ACKR2: variants seen among roughly 807,000 people sequenced by gnomAD.
ACKR2 encodes atypical chemokine receptor 2.
For synonymous variants in ACKR2, 207 were observed against 192.2 expected (o/e 1.08, Z -0.64); for missense variants, 457 against 477.3 (o/e 0.96, Z 0.40).
At chr3:42,837,326 C>A (rs1198956491) in intron 2 of ACKR2, among the ~76,000 whole-genome samples, 2 of 152,098 alleles carry the variant, frequency 1.3e-5, no homozygotes, top group East Asian at 3.9e-4. Flanking sequence ...AAGTGATCCT[C>A]CCACCTCAAC....
rs71072742 is a variant in ACKR2, at chr3:42,828,092, A to ATTTT, written c.-38+8391_-38+8394dup. On this transcript the variant is annotated intron_variant, in intron 2 of 2. Coordinates refer to ENST00000422265, the MANE Select transcript of ACKR2 (RefSeq NM_001296.5). The stretch of plus-strand genomic sequence containing the variant: ...GCTTGCATTATATATATATATATAT[A>ATTTT]TTTTTTTTTTTTTCTTTTCTTTTCT... 8.5e-4 allele frequency among the ~76,000 whole-genome samples: 103 copies of ATTTT among 121,892 alleles called. 1 individual carries two copies. The highest frequency in any genetic ancestry group is 2.6e-3 in the African/African-American group (80 of 30,984). 80.0% of individuals were successfully genotyped at this position (121,892 alleles called of 152,430 possible).
intron 2 of ACKR2, among the ~76,000 whole-genome samples, chr3:42,837,592 C>A (rs1700997840): frequency 6.6e-6 from 1 of 152,114 alleles, no homozygotes; most frequent in Admixed American, 6.6e-5. Flanking sequence ...TGCAGATCAC[C>A]TTTTCTCTGT....
At chr3:42,837,679 C>T (rs2125611955) in intron 2 of ACKR2, among the ~76,000 whole-genome samples, 1 of 152,260 alleles carries the variant, frequency 6.6e-6, no homozygotes, top group Middle Eastern at 3.4e-3. Flanking sequence ...ATGCTGATCA[C>T]CTCCGGAAAC....
At chr3:42,863,585 C>A (rs2088404672) in intron 2 of ACKR2, among the ~76,000 whole-genome samples, 1 of 152,152 alleles carries the variant, frequency 6.6e-6, no homozygotes, top group Non-Finnish European at 1.5e-5. Flanking sequence ...GCACTGTTCA[C>A]AATAGCAAAG....
chr3:42,832,288 A>C (rs972574291), intron 2 of ACKR2, among the ~76,000 whole-genome samples: 7 of 152,172 alleles, frequency 4.6e-5, no homozygotes, highest in African/African-American at 1.7e-4. Context: ...CAGGAATTTG[A>C]GACCAGCTAG....
intron 2 of ACKR2, among the ~76,000 whole-genome samples, chr3:42,830,398 G>A (rs1015094086): frequency 6.6e-6 from 1 of 152,186 alleles, no homozygotes; most frequent in African/African-American, 2.4e-5. Context: ...TTACAGGCAT[G>A]AGCCACCACG....
At chr3:42,818,936 C>A (rs1352108772) in intron 1 of ACKR2, among the ~76,000 whole-genome samples, 2 of 151,904 alleles carry the variant, frequency 1.3e-5, no homozygotes, top group African/African-American at 4.8e-5. Context: ...ATCTTGGATT[C>A]TTTGCAGCTC....
intron 2 of ACKR2, among the ~76,000 whole-genome samples, chr3:42,858,247 G>C (rs952226878): frequency 5.3e-5 from 8 of 152,194 alleles, no homozygotes; most frequent in Non-Finnish European, 1.0e-4. Flanking sequence ...TCCCAGCAGG[G>C]GTTGACAGAT....
In ACKR2 at chr3:42,857,450, G is replaced by A. The variant is rs545477916; in HGVS notation, c.-37-7016G>A. ...CTGGGCAAAGCAATAATTTAGGCTC[G>A]CATTTATTGAATGTCTGCTGTGTTC... is the stretch of plus-strand genomic sequence containing the variant. On this transcript the variant is annotated intron_variant, in intron 2 of 2. Coordinates refer to ENST00000422265, the MANE Select transcript of ACKR2 (RefSeq NM_001296.5). Among the ~76,000 whole-genome samples, 20 of 152,232 alleles carry A rather than the reference G, an allele frequency of 1.3e-4. No homozygotes were observed. The East Asian group carries it at 2.9e-3, about 22-fold the overall frequency.
chr3:42,843,229 C>A (rs1334335359), intron 2 of ACKR2, among the ~76,000 whole-genome samples: 2 of 151,502 alleles, frequency 1.3e-5, no homozygotes, highest in African/African-American at 4.9e-5. Context: ...CACCACCATG[C>A]CCAGCTAATT....
intron 2 of ACKR2, among the ~76,000 whole-genome samples, chr3:42,832,060 A>G (rs1700936664): frequency 6.6e-6 from 1 of 152,232 alleles, no homozygotes; most frequent in Non-Finnish European, 1.5e-5. Flanking sequence ...ATGAAACACA[A>G]AACTTTGGAG....
rs561098989 is a variant in ACKR2 at position 42,823,491 on chromosome 3, C to G, written c.-38+3780C>G. Among the ~76,000 whole-genome samples the G allele has an allele frequency of 7.6e-4, 116 of 152,334 alleles. 1 individual carries two copies. Among genetic ancestry groups the G allele is most frequent in the African/African-American group, 2.7e-3 (113 of 41,570 alleles). Reference sequence around the variant, plus strand: ...GCCTGTCAGCCTTCGTGTCTCCAGTCATTCTCTTCCTAGACAGACTTGTCT... The same window carrying G: ...GCCTGTCAGCCTTCGTGTCTCCAGTGATTCTCTTCCTAGACAGACTTGTCT... On this transcript the variant is annotated intron_variant, in intron 2 of 2. Coordinates refer to ENST00000422265, the MANE Select transcript of ACKR2 (RefSeq NM_001296.5).
At chr3:42,828,092 A>ATATATATATATTTTTTT (rs1193533555) in intron 2 of ACKR2, among the ~76,000 whole-genome samples, 3 of 121,900 alleles carry the variant, frequency 2.5e-5, no homozygotes, top group African/African-American at 9.7e-5. Context: ...ATATATATAT[A>ATATATATATATTTTTTT]TTTTTTTTTT....
At chr3:42,848,443 CT>C (rs1701120799) in intron 2 of ACKR2, among the ~76,000 whole-genome samples, 1 of 152,056 alleles carries the variant, frequency 6.6e-6, no homozygotes, top group African/African-American at 2.4e-5. Flanking sequence ...GTCTCGAACT[CT>C]GAGACTCAAG....
intron 2 of ACKR2, among the ~76,000 whole-genome samples, chr3:42,854,696 T>C (rs560248604): frequency 6.6e-6 from 1 of 152,158 alleles, no homozygotes; most frequent in Non-Finnish European, 1.5e-5. Flanking sequence ...GTTCAACTCA[T>C]AGAAGGAGCC....
chr3:42,831,323 A>G (rs1319498982), intron 2 of ACKR2, among the ~76,000 whole-genome samples: 1 of 152,240 alleles, frequency 6.6e-6, no homozygotes, highest in Admixed American at 6.5e-5. Context: ...CCACCTTTAA[A>G]GGAGGTGTAC....
At chr3:42,821,706 T>G (rs1228694425) in intron 2 of ACKR2, among the ~76,000 whole-genome samples, 2 of 147,562 alleles carry the variant, frequency 1.4e-5, no homozygotes, top group Non-Finnish European at 3.0e-5. Context: ...TATGTTTTTG[T>G]TTTTTTTTTA....
intron 2 of ACKR2, among the ~76,000 whole-genome samples, chr3:42,847,762 G>C (rs755290494): frequency 6.6e-6 from 1 of 151,408 alleles, no homozygotes; most frequent in Admixed American, 6.6e-5. Context: ...AGGGGTGGGG[G>C]TGGGGGATCT....
intron 2 of ACKR2, among the ~76,000 whole-genome samples, chr3:42,858,413 A>G (rs1287542820): frequency 6.6e-6 from 1 of 152,210 alleles, no homozygotes; most frequent in Admixed American, 6.5e-5. Context: ...AAACTCCAGC[A>G]GACCTGCAGC....
Sources: allele counts gnomAD v4.1 joint callset (sites outside exome capture counted in the v4.1 genomes callset), GRCh38; gene constraint gnomAD v4.1.1; transcripts MANE v1.5; gene names NCBI Gene and HGNC (gene_info 2026-07-23, HGNC 2026-07-21).